BTD: variants seen among roughly 807,000 people sequenced by gnomAD.
The protein encoded by BTD is biocytinase.
A neutral mutation model predicts 17.7 loss-of-function variants in BTD; 13 were observed. That is an observed-to-expected ratio of 0.74 (90% CI 0.48 to 1.17). The LOEUF is 1.17. Among genes scored for constraint, BTD ranks in the 50% most tolerant of loss-of-function variants. The pLI, the probability that BTD is intolerant of heterozygous loss-of-function variation, is 0.00. For missense variants in BTD, 674 were observed against 650.4 expected (o/e 1.04, Z -0.39); for synonymous variants, 240 against 245.2 (o/e 0.98, Z 0.20).
intron 3 of BTD, chr3:15,667,826 T>C (rs1490116253): frequency 6.6e-6 from 1 of 152,232 alleles, no homozygotes; most frequent in Non-Finnish European, 1.5e-5. Context: ...ATATAAGTGA[T>C]GCAGGATAGA....
At chr3:15,703,161 A>G (rs2125980361) in intron 3 of BTD, among the ~76,000 whole-genome samples, 1 of 152,354 alleles carries the variant, frequency 6.6e-6, no homozygotes, top group Middle Eastern at 3.4e-3. Flanking sequence ...AAAAAAATTT[A>G]AAGATTGATT....
intron 3 of BTD, among the ~76,000 whole-genome samples, chr3:15,704,713 C>A (rs535094715): frequency 8.3e-4 from 126 of 152,116 alleles, no homozygotes; most frequent in African/African-American, 2.9e-3. Flanking sequence ...ATATTTTTTA[C>A]AATTTAAGAA....
chr3:15,690,151 T>C, intron 3 of BTD: 1 of 1,609,910 alleles, frequency 6.2e-7, no homozygotes, highest in African/African-American at 1.3e-5. Flanking sequence ...CTTCCACTAC[T>C]ATTTCTGACA....
chr3:15,712,079 C>T (rs1441927219), exon 4 of BTD: 2 of 1,261,098 alleles, frequency 1.6e-6, no homozygotes, highest in Admixed American at 2.0e-5. Context: ...AGGATAGAGA[C>T]CATCTAAAAA....
intron 3 of BTD, among the ~76,000 whole-genome samples, chr3:15,670,899 G>A (rs753085578): frequency 1.6e-4 from 24 of 152,156 alleles, no homozygotes; most frequent in Non-Finnish European, 7.3e-5. Context: ...ATTCTTTCAG[G>A]ATGGTAGGCA....
chr3:15,712,346 G>C, exon 4 of BTD: 1 of 770,118 alleles, frequency 1.3e-6, no homozygotes, highest in Non-Finnish European at 2.1e-6. Flanking sequence ...TAACACTTCG[G>C]AGAGTAATTT....
intron 3 of BTD, among the ~76,000 whole-genome samples, chr3:15,643,977 T>TATTA (rs2065614018): frequency 9.4e-6 from 1 of 105,888 alleles, no homozygotes; most frequent in Non-Finnish European, 1.8e-5. Flanking sequence ...TTAATTTATT[T>TATTA]ATTTATTTAT....
chr3:15,712,234 AG>A, exon 4 of BTD: 1 of 1,553,662 alleles, frequency 6.4e-7, no homozygotes, highest in Non-Finnish European at 8.7e-7. Context: ...TAAAGTTAAT[AG>A]AACAGGACAG....
Position 15,680,409 on chromosome 3 carries a change from G to A in BTD, c.400-29651G>A, listed in dbSNP as rs571795171. ...TTTAGTAGACACGGGGTTTCACCAT[G>A]TTGGTCAGGCTGATCTCAAACTCCT... On this transcript the variant is annotated intron_variant, in intron 3 of 3. Transcript: ENST00000672141. Among the ~76,000 whole-genome samples the A allele has an allele frequency of 2.0e-5, 3 of 152,096 alleles. No homozygotes were observed. In the South Asian group the frequency reaches 6.2e-4, roughly 32 times the overall value.
At chr3:15,688,465 T>A (rs2068405717) in intron 3 of BTD, among the ~76,000 whole-genome samples, 1 of 152,170 alleles carries the variant, frequency 6.6e-6, no homozygotes, top group African/African-American at 2.4e-5. Flanking sequence ...CAGAATAAGG[T>A]AACAGCAAGT....
chr3:15,676,812 G>A, intron 3 of BTD: 1 of 517,686 alleles, frequency 1.9e-6, no homozygotes, highest in Non-Finnish European at 3.4e-6. Flanking sequence ...ATGGCTTTTA[G>A]TTGTGATCAT....
Position 15,645,094 on chromosome 3 carries a change from GCTATCTCCACGT to G in BTD, c.1181_1192del (p.Tyr394_Val397del), listed in dbSNP as rs397514404. ...CTGGTCCCTGTCTGGGGAAAGGAAG[GCTATCTCCACGT>G]CTGTTCCAATGGCCTCTGCTGTTAT... On this transcript the variant is annotated inframe_deletion, in exon 4 of 4. Coordinates refer to ENST00000643237, the MANE Select transcript of BTD (RefSeq NM_001370658.1). 3.3e-5 allele frequency: 53 copies of G among 1,614,064 alleles called. No individual in the cohort carries two copies. Among genetic ancestry groups the G allele is most frequent in the Non-Finnish European group, 3.6e-5 (43 of 1,180,036 alleles).
intron 3 of BTD, among the ~76,000 whole-genome samples, chr3:15,681,998 T>C (rs1434526178): frequency 2.0e-5 from 3 of 152,140 alleles, no homozygotes; most frequent in Admixed American, 6.6e-5. Flanking sequence ...CAATGGAAAG[T>C]TGTCCATTGT....
intron 3 of BTD, chr3:15,677,540 A>G (rs759882787): frequency 6.2e-7 from 1 of 1,612,832 alleles, no homozygotes; most frequent in Non-Finnish European, 8.5e-7. Flanking sequence ...TCAGTTCTGC[A>G]CTAGCACTGC....
Position 15,687,860 on chromosome 3 carries a change from G to A in BTD, c.400-22200G>A, listed in dbSNP as rs374167118. ...CACTCAGTTCACAGTCGCTACTGAT[G>A]AATGTTTGTGTCATCTAAGTTCAAT... On this transcript the variant is annotated intron_variant, in intron 3 of 3. Transcript: ENST00000672141. Among the ~76,000 whole-genome samples the A allele has an allele frequency of 5.9e-5, 9 of 152,256 alleles. No individual in the cohort carries two copies. The East Asian group carries it at 1.4e-3, about 23-fold the overall frequency.
At chr3:15,619,452 T>TAATAATTAC (rs1233945135) in intron 1 of BTD, among the ~76,000 whole-genome samples, 2 of 152,238 alleles carry the variant, frequency 1.3e-5, no homozygotes, top group Non-Finnish European at 2.9e-5. Context: ...GTTAATGTGA[T>TAATAATTAC]AGATTACATA....
chr3:15,663,402 T>C (rs997415555), intron 3 of BTD, among the ~76,000 whole-genome samples: 25 of 152,238 alleles, frequency 1.6e-4, no homozygotes, highest in Admixed American at 6.5e-5. Context: ...CTGTATAGAA[T>C]TGGTATAATT....
intron 3 of BTD, among the ~76,000 whole-genome samples, chr3:15,679,754 C>T (rs2067326641): frequency 2.0e-5 from 3 of 152,106 alleles, no homozygotes; most frequent in Admixed American, 1.3e-4. Context: ...TAGGCATATA[C>T]AACTGCACGC....
intron 3 of BTD, among the ~76,000 whole-genome samples, chr3:15,709,182 G>A (rs116242538): frequency 0.017 from 2,560 of 152,242 alleles, 71 homozygotes; most frequent in African/African-American, 0.058. Context: ...ATGTGTGTGA[G>A]AGATTTATAT....
Sources: gnomAD v4.1 joint callset for allele counts (sites outside exome capture counted in the v4.1 genomes callset) on GRCh38, gnomAD v4.1.1 for gene constraint, MANE v1.5 for transcripts, NCBI Gene and HGNC (gene_info 2026-07-23, HGNC 2026-07-21) for gene names.